The following SORCS3 variants were observed in gnomAD, a reference collection of about 807,000 sequenced individuals.
SORCS3 encodes the protein sortilin related VPS10 domain containing receptor 3.
A neutral mutation model predicts 146.3 loss-of-function variants in SORCS3; 57 were observed. That is an observed-to-expected ratio of 0.39 (90% confidence interval 0.31 to 0.49). The LOEUF is 0.49. Among genes scored for constraint, SORCS3 ranks in the 20% least tolerant of loss-of-function variants. The pLI is 0.92. For missense variants in SORCS3, 1,341 were observed against 1,575.5 expected (o/e 0.85, Z 2.52); for synonymous variants, 653 against 618.5 (o/e 1.06, Z -0.83).
At position 104,641,488 on chromosome 10, in the gene SORCS3, C is replaced by A; in HGVS notation, c.161C>A (p.Pro54Gln). 1 of 1,468,718 alleles carries A rather than the reference C, an allele frequency of 6.8e-7. No individual in the cohort carries two copies. Among genetic ancestry groups the A allele is most frequent in the Non-Finnish European group, 8.9e-7 (1 of 1,117,890 alleles). The allele number at this position is 1,468,718 out of a possible 1,614,324, so 91.0% of individuals were successfully genotyped here. ...GRPAAPASRP[P>Q]ALSPLSPRAV... Reference sequence around the variant, plus strand: ...CCGGCGGCCCCGGCTTCGCGGCCACCGGCGTTGTCTCCACTCTCGCCGCGG... The same window carrying A: ...CCGGCGGCCCCGGCTTCGCGGCCACAGGCGTTGTCTCCACTCTCGCCGCGG... Residue 54 changes from proline to glutamine, a missense_variant, in exon 1 of 27, where the codon CCG becomes CAG. Transcript: ENST00000369701. This position sits in a 1 kb window ranked among gnomAD's most constrained non-coding sequence, Gnocchi z 6.4.
At chr10:105,009,527 C>CAAAAAAAAAAAAAAA (rs35368294) in intron 4 of SORCS3, among the ~76,000 whole-genome samples, 129 of 105,064 alleles carry the variant, frequency 1.2e-3, no homozygotes, top group East Asian at 3.7e-3. Context: ...AACAAACAAA[C>CAAAAAAAAAAAAAAA]AAAAAAAAAA....
At chr10:105,107,430 A>G (rs1241761497) in intron 7 of SORCS3, among the ~76,000 whole-genome samples, 2 of 152,018 alleles carry the variant, frequency 1.3e-5, no homozygotes, top group Non-Finnish European at 1.5e-5. Context: ...ATGACTTAGA[A>G]TGTAAAATGT....
intron 3 of SORCS3, among the ~76,000 whole-genome samples, chr10:104,972,027 A>C (rs2054863405): frequency 6.6e-6 from 1 of 152,212 alleles, no homozygotes; most frequent in African/African-American, 2.4e-5. Flanking sequence ...GGCAGAAGTC[A>C]GATTGCACTG....
intron 1 of SORCS3, among the ~76,000 whole-genome samples, chr10:104,647,093 C>T (rs2015504471): frequency 6.6e-6 from 1 of 152,132 alleles, no homozygotes; most frequent in Non-Finnish European, 1.5e-5. Context: ...TGACAGCTAC[C>T]ATAGCCAGGA....
chr10:104,901,525 G>T (rs1360872125), intron 2 of SORCS3, among the ~76,000 whole-genome samples: 1 of 152,124 alleles, frequency 6.6e-6, no homozygotes, highest in Non-Finnish European at 1.5e-5. Context: ...TAGGGTCCTT[G>T]TCCTCAGAGT....
Position 105,105,335 on chromosome 10 carries a change from T to C in SORCS3, c.1094-62T>C. ...CCCCATGAAGTAGAGTTTTGTATGCTACCTGGGGCTCCCTCATGATTTTCA... is the reference window on the plus strand; with the variant it reads ...CCCCATGAAGTAGAGTTTTGTATGCCACCTGGGGCTCCCTCATGATTTTCA... On this transcript the variant is annotated intron_variant, in intron 6 of 26. Transcript: ENST00000369701. The C allele has an allele frequency of 4.8e-6, 5 of 1,042,072 alleles. No individual in the cohort carries two copies. In the Admixed American group the frequency reaches 9.0e-5, roughly 19 times the overall value. The allele number at this position is 1,042,072 out of a possible 1,614,324, so 64.6% of individuals were successfully genotyped here.
intron 5 of SORCS3, among the ~76,000 whole-genome samples, chr10:105,051,806 A>G (rs1472823045): frequency 6.6e-6 from 1 of 152,176 alleles, no homozygotes; most frequent in South Asian, 2.1e-4. Context: ...TATTTAATTC[A>G]GCTCTCCTTT....
chr10:105,257,865 A>G (rs1049672958), intron 25 of SORCS3, among the ~76,000 whole-genome samples: 4 of 152,180 alleles, frequency 2.6e-5, no homozygotes, highest in Non-Finnish European at 5.9e-5. Context: ...CTGTCACATA[A>G]TAGGCCCTCA....
chr10:104,791,689 G>T (rs989055229), intron 1 of SORCS3, among the ~76,000 whole-genome samples: 1 of 152,158 alleles, frequency 6.6e-6, no homozygotes, highest in African/African-American at 2.4e-5. Flanking sequence ...GAATGCTGAT[G>T]TCTGACACCT....
chr10:105,211,508 CCTT>C (rs2056633532), intron 17 of SORCS3, among the ~76,000 whole-genome samples: 2 of 152,142 alleles, frequency 1.3e-5, no homozygotes, highest in South Asian at 2.1e-4. Context: ...TTTGGTTAAT[CCTT>C]CTCTTCTGGA....
chr10:104,901,100 A>G (rs1282380249), intron 2 of SORCS3, among the ~76,000 whole-genome samples: 3 of 152,094 alleles, frequency 2.0e-5, no homozygotes, highest in Non-Finnish European at 2.9e-5. Flanking sequence ...TCTATCACTA[A>G]TAAATGTCAT....
intron 9 of SORCS3, among the ~76,000 whole-genome samples, chr10:105,151,827 A>G (rs985841148): frequency 6.6e-6 from 1 of 152,096 alleles, no homozygotes; most frequent in African/African-American, 2.4e-5. Context: ...TCCTGCTTCA[A>G]AGTACAATGT....
At chr10:104,818,204 C>T (rs1383012376) in intron 1 of SORCS3, among the ~76,000 whole-genome samples, 1 of 152,086 alleles carries the variant, frequency 6.6e-6, no homozygotes, top group Non-Finnish European at 1.5e-5. Context: ...GAGCTGGTGG[C>T]AGTTGTTTGT....
At chr10:105,154,865 A>G (rs2056195161) in intron 9 of SORCS3, among the ~76,000 whole-genome samples, 1 of 152,188 alleles carries the variant, frequency 6.6e-6, no homozygotes, top group Non-Finnish European at 1.5e-5. Context: ...TTGGCTTAGG[A>G]CACACAAAAG....
chr10:105,080,691 T>C (rs1337176058), intron 5 of SORCS3, among the ~76,000 whole-genome samples: 1 of 152,222 alleles, frequency 6.6e-6, no homozygotes, highest in African/African-American at 2.4e-5. Flanking sequence ...CATTTAAGTC[T>C]TTAATCCATC....
At chr10:105,196,183 C>CAATTAGGCCACAT (rs1251977436) in intron 14 of SORCS3, among the ~76,000 whole-genome samples, 1 of 152,162 alleles carries the variant, frequency 6.6e-6, no homozygotes, top group Non-Finnish European at 1.5e-5. Context: ...GGCTCGGAGT[C>CAATTAGGCCACAT]AATTAGGCTG....
intron 6 of SORCS3, among the ~76,000 whole-genome samples, chr10:105,093,761 A>G (rs956688689): frequency 2.0e-5 from 3 of 152,168 alleles, no homozygotes; most frequent in Non-Finnish European, 2.9e-5. Context: ...AAGTAAAGCA[A>G]TAGAACTCTC....
At chr10:105,127,128 C>T (rs913657426) in intron 7 of SORCS3, among the ~76,000 whole-genome samples, 3 of 152,078 alleles carry the variant, frequency 2.0e-5, no homozygotes, top group African/African-American at 4.8e-5. Context: ...AAGGAATGAT[C>T]TAAATTTGGC....
chr10:104,728,098 C>T (rs1175526494), intron 1 of SORCS3, among the ~76,000 whole-genome samples: 1 of 151,332 alleles, frequency 6.6e-6, no homozygotes, highest in African/African-American at 2.4e-5. Context: ...TCTTTTGTTC[C>T]ATTTGTGTCC....
Sources: gnomAD v4.1 joint callset for allele counts (sites outside exome capture counted in the v4.1 genomes callset) on GRCh38, gnomAD v4.1.1 for gene constraint, Gnocchi (gnomAD v3.1) non-coding constraint, MANE v1.5 for transcripts, NCBI Gene and HGNC (gene_info 2026-07-23, HGNC 2026-07-21) for gene names.